The following SYNJ2 variants were observed in gnomAD, a reference collection of about 807,000 sequenced individuals.
The protein encoded by SYNJ2 is polyphosphatidylinositol phosphatase SYNJ2.
In SYNJ2, 116 loss-of-function variants were observed where a neutral mutation model predicts 141.3. That is an observed-to-expected ratio of 0.82 (90% CI 0.71 to 0.96). The LOEUF (loss-of-function observed/expected upper bound fraction) is 0.96. SYNJ2 is among the 40% of genes least tolerant of loss of function. The probability of loss-of-function intolerance (pLI) is 0.00; values close to 1 mark genes in which losing one functional copy is unlikely to be tolerated. For missense variants in SYNJ2, 1,873 were observed against 1,934.8 expected, an observed-to-expected ratio of 0.97 and a Z score of 0.60; for synonymous variants, 745 against 777.7, an observed-to-expected ratio of 0.96 and a Z score of 0.70.
intron 26 of SYNJ2, chr6:158,093,828 C>G: frequency 1.3e-6 from 1 of 747,288 alleles, no homozygotes. Flanking sequence ...TGTTCACATG[C>G]TCTCGTGCGG....
At chr6:157,989,858 G>T (rs1041087635) in intron 1 of SYNJ2, among the ~76,000 whole-genome samples, 5 of 152,206 alleles carry the variant, frequency 3.3e-5, no homozygotes, top group African/African-American at 4.8e-5. Context: ...GTCTGCGGGA[G>T]GGTGCTGGGG....
intron 25 of SYNJ2, among the ~76,000 whole-genome samples, 156 bp from the exon 26 acceptor site, chr6:158,092,764 TAAAAAA>T (rs969201924): frequency 1.3e-5 from 2 of 151,782 alleles, no homozygotes; most frequent in African/African-American, 4.8e-5. Flanking sequence ...GAGCCCATCT[TAAAAAA>T]GAAAAAAGAA....
chr6:158,080,202 G>A (rs576266989), intron 18 of SYNJ2, among the ~76,000 whole-genome samples: 6 of 152,254 alleles, frequency 3.9e-5, no homozygotes, highest in Admixed American at 3.3e-4. Context: ...TTGGCCTGGC[G>A]CAGTGGCTCA....
At chr6:158,023,968 C>T in intron 2 of SYNJ2, among the ~76,000 whole-genome samples, 1 of 152,204 alleles carries the variant, frequency 6.6e-6, no homozygotes, top group East Asian at 1.9e-4. Flanking sequence ...CCTTTCCATT[C>T]CCATCTATTT....
rs377123710 is a variant in SYNJ2 at position 158,000,774 on chromosome 6, C to T, written c.128-16430C>T. On this transcript the variant is annotated intron_variant, in intron 1 of 26. Coordinates refer to ENST00000355585, the MANE Select transcript of SYNJ2 (RefSeq NM_003898.4). ...GAACACTTCCCTTACAGCACGCACT[C>T]CCCCCAAGCTGGGCCTTCTCTTGAG... 2.0e-5 allele frequency among the ~76,000 whole-genome samples: 3 copies of T among 152,202 alleles called. No individual in the cohort carries two copies. The East Asian group carries it at 5.8e-4, about 29-fold the overall frequency.
At chr6:158,031,275 C>G (rs1779346714) in intron 3 of SYNJ2, among the ~76,000 whole-genome samples, 1 of 152,206 alleles carries the variant, frequency 6.6e-6, no homozygotes, top group Non-Finnish European at 1.5e-5. Flanking sequence ...GTCCTTGGAA[C>G]CCCTAGGGGA....
intron 17 of SYNJ2, chr6:158,077,636 C>T: frequency 7.7e-6 from 1 of 129,108 alleles, no homozygotes; most frequent in Non-Finnish European, 1.6e-5. Flanking sequence ...GTTAGAATAT[C>T]TGTAACTAGT....
At chr6:158,015,151 A>G (rs1178206449) in intron 1 of SYNJ2, among the ~76,000 whole-genome samples, 3 of 152,208 alleles carry the variant, frequency 2.0e-5, no homozygotes, top group Non-Finnish European at 4.4e-5. Flanking sequence ...GCAGGAAGTG[A>G]TGAAAGTCAG....
intron 1 of SYNJ2, among the ~76,000 whole-genome samples, chr6:157,992,072 ACAT>A (rs1777446395): frequency 6.6e-6 from 1 of 152,238 alleles, no homozygotes. Flanking sequence ...TGTAATAACC[ACAT>A]CATGGAAAAT....
chr6:158,047,235 C>T (rs1337684192), intron 5 of SYNJ2, among the ~76,000 whole-genome samples: 2 of 152,168 alleles, frequency 1.3e-5, no homozygotes, highest in African/African-American at 4.8e-5. Context: ...AGGAACCTGA[C>T]GCTTGTTCCA....
At chr6:157,992,833 C>G (rs11969735) in intron 1 of SYNJ2, among the ~76,000 whole-genome samples, 11,405 of 152,146 alleles carry the variant, frequency 0.075, 1,438 homozygotes, top group African/African-American at 0.26. Flanking sequence ...TTTTCTTTAT[C>G]CATTCATCTG....
intron 1 of SYNJ2, among the ~76,000 whole-genome samples, chr6:158,003,254 C>T (rs1435246430): frequency 6.6e-6 from 1 of 152,210 alleles, no homozygotes; most frequent in African/African-American, 2.4e-5. Context: ...AGTGGGAGGA[C>T]AGGAGAGTCC....
In SYNJ2 at chr6:158,043,167, C is replaced by G; in HGVS notation, c.712-149C>G. On this transcript the variant is annotated intron_variant, in intron 4 of 26. Transcript: ENST00000355585. The surrounding 1 kb of genome is among the most constrained non-coding windows in gnomAD (Gnocchi z 4.0). The stretch of plus-strand genomic sequence containing the variant: ...CTGGCGAGAGGTCAGGGCGCATTGC[C>G]GGATGGGGGAGCAGAGGACGCCGGA... 1.6e-6 allele frequency: 1 copy of G among 638,902 alleles called. No homozygotes were observed. Among genetic ancestry groups the G allele is most frequent in the Non-Finnish European group, 2.8e-6 (1 of 362,858 alleles). 39.6% of individuals were successfully genotyped at this position (638,902 alleles called of 1,614,324 possible).
At position 158,084,442 on chromosome 6, in the gene SYNJ2, C is replaced by T. The variant is rs1782906982; in HGVS notation, c.3208+268C>T. Reference sequence around the variant, plus strand: ...AGATTCAAGATAATTCTTGTTTCCTCTGGATATTCAAATGGCCACGGTTCT... The same window carrying T: ...AGATTCAAGATAATTCTTGTTTCCTTTGGATATTCAAATGGCCACGGTTCT... On this transcript the variant is annotated intron_variant, in intron 22 of 26. Coordinates refer to ENST00000355585, the MANE Select transcript of SYNJ2 (RefSeq NM_003898.4). The surrounding 1 kb of genome is among the most constrained non-coding windows in gnomAD (Gnocchi z 5.0). Among the ~76,000 whole-genome samples, 1 of 152,086 alleles carries T rather than the reference C, an allele frequency of 6.6e-6. No homozygotes were observed. The highest frequency in any genetic ancestry group is 1.5e-5 in the Non-Finnish European group (1 of 68,022).
At chr6:158,017,132 A>G in intron 1 of SYNJ2, 72 bp from the exon 2 acceptor site, 2 of 1,551,286 alleles carry the variant, frequency 1.3e-6, no homozygotes, top group Non-Finnish European at 1.7e-6. Flanking sequence ...CAGCTTGGCA[A>G]GCCGGGTGTG....
At chr6:157,989,521 A>T (rs1308239718) in intron 1 of SYNJ2, among the ~76,000 whole-genome samples, 2 of 148,106 alleles carry the variant, frequency 1.4e-5, no homozygotes, top group Admixed American at 6.9e-5. Flanking sequence ...TTTTCATCTG[A>T]CATACACTTT....
rs1781916794 is a variant in SYNJ2 at position 158,071,459 on chromosome 6, A to C, written c.1941-143A>C. The C allele has an allele frequency of 5.5e-6, 5 of 916,728 alleles. No homozygotes were observed. The highest frequency in any genetic ancestry group is 6.4e-6 in the Non-Finnish European group (4 of 624,866). The allele number at this position is 916,728 out of a possible 1,614,324, so 56.8% of individuals were successfully genotyped here. A position where few individuals can be genotyped will look rare whatever the true frequency, so the allele number is the denominator to read the frequency against. ...TCCTGACCAGGAGTCGATGACGGCC[A>C]CGGTGGCCACTGTGTTGAGCTGATG... On this transcript the variant is annotated intron_variant, in intron 14 of 26. Coordinates refer to ENST00000355585, the MANE Select transcript of SYNJ2 (RefSeq NM_003898.4). The surrounding 1 kb of genome is among the most constrained non-coding windows in gnomAD (Gnocchi z 4.3).
Position 158,062,176 on chromosome 6 carries a change from T to C in SYNJ2, c.1127+12T>C. On this transcript the variant is annotated intron_variant, in intron 8 of 26. Coordinates refer to ENST00000355585, the MANE Select transcript of SYNJ2 (RefSeq NM_003898.4). Reference sequence around the variant, plus strand: ...AACGTCAGTCCACGGTGAGGCTCGCTGCGCACTGTGCCGCGTCTTCTGCTG... The same window carrying C: ...AACGTCAGTCCACGGTGAGGCTCGCCGCGCACTGTGCCGCGTCTTCTGCTG... 8 of 1,609,550 alleles carry C rather than the reference T, an allele frequency of 5.0e-6. No homozygotes were observed. Among genetic ancestry groups the C allele is most frequent in the Non-Finnish European group, 6.8e-6 (8 of 1,177,338 alleles).
intron 26 of SYNJ2, chr6:158,094,079 C>G (rs13217929): frequency 3.5e-4 from 252 of 723,768 alleles, no homozygotes; most frequent in Non-Finnish European, 5.2e-4. Flanking sequence ...CTGCTTCCCC[C>G]CTAGAGAGTG....
Sources: allele counts gnomAD v4.1 joint callset (sites outside exome capture counted in the v4.1 genomes callset), GRCh38; gene constraint gnomAD v4.1.1; non-coding constraint Gnocchi (gnomAD v3.1); transcripts MANE v1.5; gene names NCBI Gene and HGNC (gene_info 2026-07-23, HGNC 2026-07-21).